The following VAT1L variants were observed in gnomAD, a reference collection of about 807,000 sequenced individuals.
The protein encoded by VAT1L is vesicle amine transport 1 like.
A neutral mutation model predicts 44.1 loss-of-function variants in VAT1L; 34 were observed. That is an observed-to-expected ratio of 0.77 (90% CI 0.59 to 1.03). VAT1L has a LOEUF of 1.03. Ranked by LOEUF, VAT1L falls within the 50% of genes least tolerant of loss-of-function variation. The pLI is 0.00. For synonymous variants in VAT1L, 253 were observed against 202.2 expected (o/e 1.25, Z -2.13); for missense variants, 615 against 538.8 (o/e 1.14, Z -1.40).
chr16:77,910,844 G>A (rs2142485139), intron 7 of VAT1L, among the ~76,000 whole-genome samples: 1 of 152,272 alleles, frequency 6.6e-6, no homozygotes, highest in Non-Finnish European at 1.5e-5. Context: ...CATTTGTTCA[G>A]TATGTGCTAT....
intron 7 of VAT1L, among the ~76,000 whole-genome samples, chr16:77,954,560 G>A (rs1474581011): frequency 6.6e-6 from 1 of 152,148 alleles, no homozygotes; most frequent in Non-Finnish European, 1.5e-5. Context: ...GGGAGGCAGA[G>A]GTTGCAATGA....
At chr16:77,940,970 G>C (rs1488379279) in intron 7 of VAT1L, among the ~76,000 whole-genome samples, 7 of 152,128 alleles carry the variant, frequency 4.6e-5, no homozygotes, top group African/African-American at 1.7e-4. Context: ...AGAGGGAGCA[G>C]GCTTCAAGTT....
intron 7 of VAT1L, among the ~76,000 whole-genome samples, chr16:77,922,735 C>T (rs960562192): frequency 5.3e-5 from 8 of 152,248 alleles, no homozygotes; most frequent in South Asian, 4.2e-4. Flanking sequence ...CACTCCCAAA[C>T]GCTTCCCATT....
chr16:77,920,352 T>C (rs1043812777), intron 7 of VAT1L, among the ~76,000 whole-genome samples: 1 of 152,238 alleles, frequency 6.6e-6, no homozygotes, highest in African/African-American at 2.4e-5. Flanking sequence ...CCAGAAGTGA[T>C]AGCCTGTATC....
intron 1 of VAT1L, among the ~76,000 whole-genome samples, chr16:77,808,134 C>T (rs2016196884): frequency 6.6e-6 from 1 of 152,032 alleles, no homozygotes; most frequent in African/African-American, 2.4e-5. Flanking sequence ...CTATTTAGAG[C>T]CACTACCCGT....
At chr16:77,898,372 C>T (rs939732216) in intron 7 of VAT1L, among the ~76,000 whole-genome samples, 3 of 152,046 alleles carry the variant, frequency 2.0e-5, no homozygotes, top group East Asian at 3.9e-4. Context: ...GAGTCACATA[C>T]GATCAAAAAC....
chr16:77,820,085 C>T (rs906755364), intron 2 of VAT1L, among the ~76,000 whole-genome samples: 1 of 152,124 alleles, frequency 6.6e-6, no homozygotes, highest in African/African-American at 2.4e-5. Context: ...CCTTATATAA[C>T]GTTATGTTTC....
intron 3 of VAT1L, among the ~76,000 whole-genome samples, chr16:77,838,812 T>C (rs930653775): frequency 1.3e-5 from 2 of 151,890 alleles, no homozygotes; most frequent in African/African-American, 4.8e-5. Flanking sequence ...TCTTTCCTTC[T>C]TCTTTTCCTT....
intron 1 of VAT1L, among the ~76,000 whole-genome samples, chr16:77,790,004 G>GC (rs1205626140): frequency 6.6e-6 from 1 of 152,086 alleles, no homozygotes; most frequent in Non-Finnish European, 1.5e-5. Context: ...GTTTTCTAGA[G>GC]CCCCCCAGTA....
chr16:77,886,947 T>C (rs973617572), intron 7 of VAT1L, among the ~76,000 whole-genome samples: 1 of 152,226 alleles, frequency 6.6e-6, no homozygotes, highest in African/African-American at 2.4e-5. Context: ...CCTGTGTGTA[T>C]ATCTGTATTT....
At chr16:77,797,388 G>A (rs1302016754) in intron 1 of VAT1L, among the ~76,000 whole-genome samples, 2 of 152,172 alleles carry the variant, frequency 1.3e-5, no homozygotes, top group African/African-American at 4.8e-5. Flanking sequence ...TGGGATTACA[G>A]GCGTGAGCCA....
chr16:77,793,826 A>C (rs1377006949), intron 1 of VAT1L, among the ~76,000 whole-genome samples: 1 of 152,212 alleles, frequency 6.6e-6, no homozygotes, highest in Non-Finnish European at 1.5e-5. Flanking sequence ...GTGGAATTCT[A>C]ATATGTCACG....
chr16:77,905,071 A>G (rs2017424716), intron 7 of VAT1L, among the ~76,000 whole-genome samples: 2 of 152,222 alleles, frequency 1.3e-5, no homozygotes. Context: ...GGTGTCAAGT[A>G]AGAGGAATTC....
chr16:77,819,825 A>C (rs2016421075), intron 2 of VAT1L, among the ~76,000 whole-genome samples: 1 of 152,260 alleles, frequency 6.6e-6, no homozygotes, highest in South Asian at 2.1e-4. Flanking sequence ...ATAATGAGTC[A>C]GTATTTAACT....
intron 7 of VAT1L, among the ~76,000 whole-genome samples, chr16:77,951,604 G>C (rs1309207956): frequency 6.6e-6 from 1 of 151,958 alleles, no homozygotes; most frequent in Non-Finnish European, 1.5e-5. Context: ...CTTTTAATTA[G>C]CAAAACAAAA....
intron 3 of VAT1L, among the ~76,000 whole-genome samples, chr16:77,833,702 G>T (rs552118357): frequency 6.6e-6 from 1 of 151,686 alleles, no homozygotes; most frequent in Non-Finnish European, 1.5e-5. Flanking sequence ...AGTGAGCCGG[G>T]ATCACACCAT....
intron 3 of VAT1L, among the ~76,000 whole-genome samples, chr16:77,840,288 T>G (rs1043372196): frequency 2.6e-5 from 4 of 152,192 alleles, no homozygotes; most frequent in Non-Finnish European, 5.9e-5. Flanking sequence ...AGGCAGGTAG[T>G]CAGGGAAGTT....
chr16:77,822,340 A>T (rs2016465463), intron 2 of VAT1L, among the ~76,000 whole-genome samples: 2 of 151,988 alleles, frequency 1.3e-5, no homozygotes. Context: ...CTCCATACTG[A>T]TCAGGCTGGG....
intron 4 of VAT1L, among the ~76,000 whole-genome samples, chr16:77,874,458 C>T (rs1205466455): frequency 9.1e-6 from 1 of 109,748 alleles, no homozygotes; most frequent in Non-Finnish European, 1.8e-5. Context: ...ACCTGCCTCT[C>T]CAGCCCAACC....
Sources: allele counts gnomAD v4.1 joint callset (sites outside exome capture counted in the v4.1 genomes callset), GRCh38; gene constraint gnomAD v4.1.1; transcripts MANE v1.5; gene names NCBI Gene and HGNC (gene_info 2026-07-23, HGNC 2026-07-21).